The following VPS13B variants were observed in gnomAD, a reference collection of about 807,000 sequenced individuals.
VPS13B encodes the protein intermembrane lipid transfer protein VPS13B.
A neutral mutation model predicts 426.4 loss-of-function variants in VPS13B; 285 were observed. The observed-to-expected ratio is 0.67, with a 90% confidence interval of 0.61 to 0.74. The LOEUF (loss-of-function observed/expected upper bound fraction) is 0.74, where lower values mean the gene tolerates loss of function less well. VPS13B is among the 30% of genes least tolerant of loss of function. The pLI is 0.00. For synonymous variants in VPS13B, 1,676 were observed against 1,676.4 expected, an observed-to-expected ratio of 1.00 and a Z score of 0.01; for missense variants, 4,537 against 4,782.6, an observed-to-expected ratio of 0.95 and a Z score of 1.51.
At chr8:99,254,238 T>G (rs889171521) in intron 17 of VPS13B, among the ~76,000 whole-genome samples, 3 of 152,126 alleles carry the variant, frequency 2.0e-5, no homozygotes, top group East Asian at 1.9e-4. Flanking sequence ...GACACATTTT[T>G]TTTGTTTGTT....
At chr8:99,755,858 A>G (rs1276402946) in intron 39 of VPS13B, among the ~76,000 whole-genome samples, 1 of 151,966 alleles carries the variant, frequency 6.6e-6, no homozygotes, top group East Asian at 1.9e-4. Flanking sequence ...TTTATTTACA[A>G]TAATATAGTT....
At chr8:99,525,849 A>C (rs1308348681) in intron 30 of VPS13B, among the ~76,000 whole-genome samples, 1 of 152,204 alleles carries the variant, frequency 6.6e-6, no homozygotes, top group African/African-American at 2.4e-5. Flanking sequence ...AAGACACCTC[A>C]CTGAGAAAGT....
chr8:99,320,328 A>G (rs1184619008), intron 19 of VPS13B, among the ~76,000 whole-genome samples: 1 of 152,202 alleles, frequency 6.6e-6, no homozygotes. Flanking sequence ...GTAAAAGACC[A>G]AGGACCTCCC....
intron 30 of VPS13B, among the ~76,000 whole-genome samples, chr8:99,550,381 A>G (rs1316142350): frequency 1.3e-5 from 2 of 151,838 alleles, no homozygotes; most frequent in Non-Finnish European, 2.9e-5. Context: ...TTCTAGGGAC[A>G]GTGACGACTA....
At chr8:99,534,345 T>C (rs1399588722) in intron 30 of VPS13B, among the ~76,000 whole-genome samples, 2 of 152,204 alleles carry the variant, frequency 1.3e-5, no homozygotes, top group East Asian at 3.8e-4. Context: ...ATCATAAATT[T>C]TTGAAATGTT....
At chr8:99,222,843 T>G (rs753041675) in intron 17 of VPS13B, among the ~76,000 whole-genome samples, 1 of 152,192 alleles carries the variant, frequency 6.6e-6, no homozygotes, top group African/African-American at 2.4e-5. Context: ...GATTATTTTA[T>G]TTTATATTTT....
intron 33 of VPS13B, among the ~76,000 whole-genome samples, chr8:99,589,914 C>A (rs568041595): frequency 6.6e-6 from 1 of 152,204 alleles, no homozygotes; most frequent in African/African-American, 2.4e-5. Context: ...AAGGAATGTT[C>A]CCAGCTCCTC....
chr8:99,153,222 A>G (rs762038603), intron 14 of VPS13B, among the ~76,000 whole-genome samples: 10 of 152,158 alleles, frequency 6.6e-5, no homozygotes, highest in South Asian at 4.1e-4. Flanking sequence ...TTTGTAGACA[A>G]TATATAGTTG....
chr8:99,315,719 C>T (rs1168791819), intron 19 of VPS13B, among the ~76,000 whole-genome samples: 1 of 151,820 alleles, frequency 6.6e-6, no homozygotes, highest in Non-Finnish European at 1.5e-5. Flanking sequence ...TAGCTGCAAG[C>T]TCCGCCTCCC....
At chr8:99,668,584 T>C (rs1830579670) in intron 35 of VPS13B, among the ~76,000 whole-genome samples, 1 of 152,130 alleles carries the variant, frequency 6.6e-6, no homozygotes, top group African/African-American at 2.4e-5. Flanking sequence ...CCCCTATTTC[T>C]TCTGTTCACC....
chr8:99,875,514 T>C lies in VPS13B; in HGVS notation c.11842T>C (p.Ser3948Pro). 6.2e-7 allele frequency: 1 copy of C among 1,614,164 alleles called. No individual in the cohort carries two copies. Among genetic ancestry groups the C allele is most frequent in the Non-Finnish European group, 8.5e-7 (1 of 1,179,996 alleles). The change falls in exon 62 of 62, where the codon TCC (serine) becomes CCC (proline). Residue 3948 changes from serine to proline, a missense_variant. Physicochemically the swap from Ser to Pro is moderately conservative, Grantham distance 74. Transcript: ENST00000357162. ...TSCHLAPSCS[S>P]MQIPCPVVAA... ...TTGTCACCTGGCCCCCAGCTGTTCT[T>C]CCATGCAAATACCATGCCCTGTGGT...
intron 21 of VPS13B, among the ~76,000 whole-genome samples, chr8:99,417,865 T>C (rs1381731401): frequency 6.6e-6 from 1 of 152,156 alleles, no homozygotes; most frequent in Non-Finnish European, 1.5e-5. Flanking sequence ...CTAGGTAGAC[T>C]GTATTGTTTA....
chr8:99,649,052 G>C lies in VPS13B; in HGVS notation c.5908+6554G>C, dbSNP rs578122690. ...TAGAGATAGTATTTCATGTTCTTCTGTCCCCTGTGGTTTCTGATGAGGAAT... is the reference window on the plus strand; with the variant it reads ...TAGAGATAGTATTTCATGTTCTTCTCTCCCCTGTGGTTTCTGATGAGGAAT... On this transcript the variant is annotated intron_variant, in intron 34 of 61. Coordinates refer to ENST00000357162, the MANE Select transcript of VPS13B (RefSeq NM_152564.5). 4.0e-5 allele frequency among the ~76,000 whole-genome samples: 6 copies of C among 150,850 alleles called. No individual in the cohort carries two copies. The East Asian group carries it at 7.8e-4, about 20-fold the overall frequency.
chr8:99,348,006 T>C (rs1178772667), intron 19 of VPS13B: 1 of 152,326 alleles, frequency 6.6e-6, no homozygotes, highest in Non-Finnish European at 1.5e-5. Context: ...TCTCTGCTTA[T>C]GAACTGCACT....
chr8:99,837,322 G>A (rs748243684), intron 54 of VPS13B, among the ~76,000 whole-genome samples: 24 of 152,100 alleles, frequency 1.6e-4, no homozygotes, highest in Non-Finnish European at 2.6e-4. Flanking sequence ...GTGTTCAGGG[G>A]CTGAACAGTG....
At chr8:99,350,338 A>G (rs1811810215) in intron 19 of VPS13B, among the ~76,000 whole-genome samples, 1 of 152,220 alleles carries the variant, frequency 6.6e-6, no homozygotes. Flanking sequence ...TGAAAGGGGC[A>G]ATACTGGTGT....
At chr8:99,696,697 G>T in intron 35 of VPS13B, 1 of 798,824 alleles carries the variant, frequency 1.3e-6, no homozygotes, top group Middle Eastern at 2.3e-4. Flanking sequence ...GCAGCCAAGG[G>T]CAGTGCCACC....
intron 30 of VPS13B, among the ~76,000 whole-genome samples, chr8:99,531,401 T>C (rs1463229667): frequency 6.6e-6 from 1 of 152,150 alleles, no homozygotes; most frequent in African/African-American, 2.4e-5. Context: ...AGTCAATATA[T>C]TTTGTGGCTT....
chr8:99,727,303 A>G (rs1833390476), intron 39 of VPS13B, among the ~76,000 whole-genome samples: 2 of 152,236 alleles, frequency 1.3e-5, no homozygotes, highest in Non-Finnish European at 2.9e-5. Context: ...CAAATGTTAA[A>G]TCATGAAATA....
Sources: gnomAD v4.1 joint callset for allele counts (sites outside exome capture counted in the v4.1 genomes callset) on GRCh38, gnomAD v4.1.1 for gene constraint, MANE v1.5 for transcripts, NCBI Gene and HGNC (gene_info 2026-07-23, HGNC 2026-07-21) for gene names.